The following RAD23B variants were observed in gnomAD, a reference collection of about 807,000 sequenced individuals.
RAD23B encodes RAD23 nucleotide excision repair protein B.
RAD23B carries 5 observed loss-of-function variants against 49.1 expected under a neutral mutation model. That is an observed-to-expected ratio of 0.10 (90% confidence interval 0.05 to 0.21). RAD23B has a LOEUF of 0.21. RAD23B is among the 10% of genes least tolerant of loss of function. The probability of loss-of-function intolerance (pLI) is 1.00; values close to 1 mark genes in which losing one functional copy is unlikely to be tolerated. For synonymous variants in RAD23B, 184 were observed against 165.4 expected (o/e 1.11, Z -0.86); for missense variants, 356 against 486.7 (o/e 0.73, Z 2.53).
intron 1 of RAD23B, among the ~76,000 whole-genome samples, chr9:107,285,694 C>A (rs1345617419): frequency 6.6e-6 from 1 of 152,056 alleles, no homozygotes; most frequent in African/African-American, 2.4e-5. Flanking sequence ...TGTTAGGGAG[C>A]GGTTTCTACA....
intron 4 of RAD23B, among the ~76,000 whole-genome samples, chr9:107,307,722 C>T (rs1490882763): frequency 6.6e-6 from 1 of 152,170 alleles, no homozygotes; most frequent in African/African-American, 2.4e-5. Flanking sequence ...ACTTAGTCAA[C>T]CATGTTTGGA....
chr9:107,285,170 G>A (rs766883670), intron 1 of RAD23B, among the ~76,000 whole-genome samples: 1 of 152,146 alleles, frequency 6.6e-6, no homozygotes, highest in Non-Finnish European at 1.5e-5. Flanking sequence ...AAACTTTTCA[G>A]TGTCCTCAGA....
At chr9:107,286,155 G>A (rs1425511970) in intron 1 of RAD23B, among the ~76,000 whole-genome samples, 1 of 152,118 alleles carries the variant, frequency 6.6e-6, no homozygotes, top group Admixed American at 6.5e-5. Flanking sequence ...AGTAACTTAC[G>A]TAGCCAGTAT....
intron 1 of RAD23B, among the ~76,000 whole-genome samples, chr9:107,293,760 A>G (rs1477428449): frequency 6.6e-6 from 1 of 152,218 alleles, no homozygotes; most frequent in Non-Finnish European, 1.5e-5. Flanking sequence ...TGTCTCATGC[A>G]TGACCTAAAT....
chr9:107,329,690 G>A lies in RAD23B; in HGVS notation c.*34G>A, dbSNP rs1368606900. On this transcript the variant is annotated 3_prime_UTR_variant, in exon 10 of 10. Coordinates refer to ENST00000358015, the MANE Select transcript of RAD23B (RefSeq NM_002874.5). ...TTTTTATATCTCACACTTCACACCA[G>A]TGCATTACACTAACTTGTTCACTGG... 7.1e-7 allele frequency: 1 copy of A among 1,401,264 alleles called. No individual in the cohort carries two copies. The highest frequency in any genetic ancestry group is 1.0e-6 in the Non-Finnish European group (1 of 992,034). 86.8% of individuals were successfully genotyped at this position (1,401,264 alleles called of 1,614,324 possible).
At chr9:107,313,229 C>T (rs1446712760) in intron 5 of RAD23B, among the ~76,000 whole-genome samples, 3 of 150,540 alleles carry the variant, frequency 2.0e-5, no homozygotes, top group East Asian at 1.9e-4. Flanking sequence ...TCTTTTCTTT[C>T]TTCCTTTCCT....
chr9:107,305,968 T>G (rs1826753456), intron 3 of RAD23B, among the ~76,000 whole-genome samples: 1 of 149,184 alleles, frequency 6.7e-6, no homozygotes, highest in African/African-American at 2.5e-5. Flanking sequence ...ATTATTTTAT[T>G]AATGCTTTTA....
At position 107,283,484 on chromosome 9, in the gene RAD23B, G is replaced by A; in HGVS notation, c.-146G>A. Reference sequence around the variant, plus strand: ...GGCTGGGGGAGAGGCCGCTCCGCTGGGCGAATGTGACAAGCCCCCACCCCC... The same window carrying A: ...GGCTGGGGGAGAGGCCGCTCCGCTGAGCGAATGTGACAAGCCCCCACCCCC... On this transcript the variant is annotated 5_prime_UTR_variant, in exon 1 of 10. Coordinates refer to ENST00000358015, the MANE Select transcript of RAD23B (RefSeq NM_002874.5). 3.7e-6 allele frequency: 2 copies of A among 534,338 alleles called. No individual in the cohort carries two copies. The highest frequency in any genetic ancestry group is 4.4e-5 in the Admixed American group (1 of 22,988). The allele number at this position is 534,338 out of a possible 1,614,324, so 33.1% of individuals were successfully genotyped here.
chr9:107,319,240 C>T (rs1322911801), intron 6 of RAD23B, among the ~76,000 whole-genome samples: 1 of 148,178 alleles, frequency 6.7e-6, no homozygotes, highest in Non-Finnish European at 1.5e-5. Flanking sequence ...ACGCCTTTCT[C>T]CTGCCTCAGC....
chr9:107,310,790 G>A (rs1048863814), intron 4 of RAD23B, among the ~76,000 whole-genome samples: 3 of 152,280 alleles, frequency 2.0e-5, no homozygotes, highest in Non-Finnish European at 4.4e-5. Flanking sequence ...CAACACTTTG[G>A]AGTATATGAT....
intron 9 of RAD23B, among the ~76,000 whole-genome samples, chr9:107,326,267 A>G (rs543831556): frequency 6.6e-6 from 1 of 152,040 alleles, no homozygotes; most frequent in African/African-American, 2.4e-5. Flanking sequence ...GTCTGGAAGT[A>G]TTTATTAAGA....
chr9:107,306,429 T>C lies in RAD23B; in HGVS notation c.279T>C (p.Pro93=). 6.2e-7 allele frequency: 1 copy of C among 1,614,214 alleles called. No homozygotes were observed. Among genetic ancestry groups the C allele is most frequent in the Non-Finnish European group, 8.5e-7 (1 of 1,180,038 alleles). The change falls in exon 4 of 10, where the codon CCT becomes CCC. Residue 93 remains proline (P), a synonymous_variant. Transcript: ENST00000358015. The stretch of plus-strand genomic sequence containing the variant: ...CAGCTACAACTCAGCAGTCAGCTCC[T>C]GCCAGCACTACAGCAGTTACTTCCT... ...PAPATTQQSA[P]ASTTAVTSST...
Position 107,325,313 on chromosome 9 carries a change from C to CAAAAAAAAAA in RAD23B, c.1116+328_1116+337dup, listed in dbSNP as rs34042765. 6.5e-4 allele frequency among the ~76,000 whole-genome samples: 40 copies of CAAAAAAAAAA among 61,384 alleles called. 1 individual carries two copies. The highest frequency in any genetic ancestry group is 2.5e-3 in the African/African-American group (38 of 15,216). 40.3% of individuals were successfully genotyped at this position (61,384 alleles called of 152,430 possible). A position where few individuals can be genotyped will look rare whatever the true frequency, so the allele number is the denominator to read the frequency against. ...TGGGCAACAGAGTGAGACTCTGTCT[C>CAAAAAAAAAA]AAAAAAAAAAAAAAAAAAAAAAAAA... On this transcript the variant is annotated intron_variant, in intron 9 of 9. Coordinates refer to ENST00000358015, the MANE Select transcript of RAD23B (RefSeq NM_002874.5).
rs192628410 is a variant in RAD23B at position 107,302,143 on chromosome 9, T to C, written c.228+29T>C. The C allele has an allele frequency of 1.7e-4, 276 of 1,610,038 alleles. No individual in the cohort carries two copies. In the African/African-American group the frequency reaches 3.3e-3, roughly 19 times the overall value. ...AGTTTCAACCTCATTCTGTATATCT[T>C]TATGCATGTAGGTCTTTTTAAAAAT... On this transcript the variant is annotated intron_variant, in intron 3 of 9. Transcript: ENST00000358015.
At chr9:107,315,070 T>A (rs1826964159) in intron 5 of RAD23B, among the ~76,000 whole-genome samples, 1 of 152,174 alleles carries the variant, frequency 6.6e-6, no homozygotes, top group African/African-American at 2.4e-5. Flanking sequence ...CCAGAAGAGT[T>A]TTTCTAGGTT....
At position 107,308,287 on chromosome 9, in the gene RAD23B, C is replaced by T. The variant is rs538154515; in HGVS notation, c.497+1640C>T. ...AGGCAGGAGTGCAGTGGCGTGACCT[C>T]GGCTCACTACAACCTCCACCTCCCG... On this transcript the variant is annotated intron_variant, in intron 4 of 9. Coordinates refer to ENST00000358015, the MANE Select transcript of RAD23B (RefSeq NM_002874.5). 5.3e-5 allele frequency among the ~76,000 whole-genome samples: 8 copies of T among 151,314 alleles called. No homozygotes were observed. The East Asian group carries it at 5.8e-4, about 11-fold the overall frequency.
At chr9:107,309,406 T>C (rs574630799) in intron 4 of RAD23B, among the ~76,000 whole-genome samples, 11 of 152,326 alleles carry the variant, frequency 7.2e-5, no homozygotes, top group African/African-American at 2.6e-4. Flanking sequence ...CAGAAGAGTA[T>C]AGGCAATAAC....
Position 107,329,781 on chromosome 9 carries a change from G to GGGGA in RAD23B, c.*134_*137dup. 1 of 528,800 alleles carries GGGGA rather than the reference G, an allele frequency of 1.9e-6. No individual in the cohort carries two copies. The highest frequency in any genetic ancestry group is 3.4e-6 in the Non-Finnish European group (1 of 292,920). The allele number at this position is 528,800 out of a possible 1,614,324, so 32.8% of individuals were successfully genotyped here. Reference sequence around the variant, plus strand: ...TATAAGGTAGTAGATTGTTGGGGGTGGGGAGGGAGGGATCTAGGATACAGG... The same window carrying GGGGA: ...TATAAGGTAGTAGATTGTTGGGGGTGGGGAGGGAGGGAGGGATCTAGGATACAGG... On this transcript the variant is annotated 3_prime_UTR_variant, in exon 10 of 10. Coordinates refer to ENST00000358015, the MANE Select transcript of RAD23B (RefSeq NM_002874.5).
intron 9 of RAD23B, among the ~76,000 whole-genome samples, chr9:107,329,240 A>G (rs1827263847): frequency 6.6e-6 from 1 of 152,220 alleles, no homozygotes; most frequent in Non-Finnish European, 1.5e-5. Flanking sequence ...GTTAGCAGCT[A>G]ATTTTTAATT....
Sources: gnomAD v4.1 joint callset for allele counts (sites outside exome capture counted in the v4.1 genomes callset) on GRCh38, gnomAD v4.1.1 for gene constraint, MANE v1.5 for transcripts, NCBI Gene and HGNC (gene_info 2026-07-23, HGNC 2026-07-21) for gene names.